Variants in KCTD8 observed in about 807,000 individuals in gnomAD.
KCTD8 encodes the protein BTB/POZ domain-containing protein KCTD8.
KCTD8 carries 27 observed loss-of-function variants against 31.5 expected under a neutral mutation model. That is an observed-to-expected ratio of 0.86 (90% CI 0.63 to 1.18). The LOEUF (loss-of-function observed/expected upper bound fraction) is 1.18, where lower values mean the gene tolerates loss of function less well. KCTD8 is among the 50% of genes most tolerant of loss of function. The pLI is 0.00. For synonymous variants in KCTD8, 290 were observed against 280.0 expected, an observed-to-expected ratio of 1.04 and a Z score of -0.36; for missense variants, 658 against 647.7, an observed-to-expected ratio of 1.02 and a Z score of -0.17.
chr4:44,395,540 T>C (rs1720481116), intron 1 of KCTD8, among the ~76,000 whole-genome samples: 1 of 152,008 alleles, frequency 6.6e-6, no homozygotes, highest in South Asian at 2.1e-4. Context: ...GATGGCACAG[T>C]TCCAAGAAAT....
At chr4:44,431,291 A>G (rs1397477032) in intron 1 of KCTD8, among the ~76,000 whole-genome samples, 2 of 151,154 alleles carry the variant, frequency 1.3e-5, no homozygotes, top group Non-Finnish European at 3.0e-5. Flanking sequence ...TCTCCTATCC[A>G]CCCCTTTTCC....
chr4:44,286,997 T>C (rs1410547745), intron 1 of KCTD8, among the ~76,000 whole-genome samples: 2 of 152,190 alleles, frequency 1.3e-5, no homozygotes, highest in African/African-American at 2.4e-5. Context: ...GTGTTATTAT[T>C]TACTAAGTTA....
At chr4:44,201,289 C>A (rs1460744659) in intron 1 of KCTD8, among the ~76,000 whole-genome samples, 1 of 151,934 alleles carries the variant, frequency 6.6e-6, no homozygotes, top group Non-Finnish European at 1.5e-5. Flanking sequence ...TCATTTTTCA[C>A]AGAATTAGGA....
chr4:44,249,037 A>G (rs901342125), intron 1 of KCTD8, among the ~76,000 whole-genome samples: 1 of 151,860 alleles, frequency 6.6e-6, no homozygotes, highest in African/African-American at 2.4e-5. Context: ...CTATGAAAAT[A>G]TCACCTACTA....
intron 1 of KCTD8, among the ~76,000 whole-genome samples, chr4:44,408,428 A>G (rs1720857013): frequency 6.6e-6 from 1 of 152,188 alleles, no homozygotes; most frequent in Non-Finnish European, 1.5e-5. Flanking sequence ...TCTATACCTG[A>G]GATATCTGCT....
chr4:44,365,635 C>G (rs1251741565), intron 1 of KCTD8, among the ~76,000 whole-genome samples: 3 of 152,126 alleles, frequency 2.0e-5, no homozygotes, highest in Admixed American at 2.0e-4. Flanking sequence ...CCCAGCCTTG[C>G]AACAGTGTGG....
In KCTD8 at chr4:44,382,899, A is replaced by G. The variant is rs1039959727; in HGVS notation, c.961+64664T>C. On this transcript the variant is annotated intron_variant, in intron 1 of 1. Coordinates refer to ENST00000360029, the MANE Select transcript of KCTD8 (RefSeq NM_198353.3). ...CTGTTTGCAGATGACATGATCTCAT[A>G]TGTAGAAAAACCTGAAGACTCTACC... Among the ~76,000 whole-genome samples the G allele has an allele frequency of 8.2e-4, 124 of 151,996 alleles. 2 individuals carry two copies. Among genetic ancestry groups the G allele is most frequent in the Non-Finnish European group, 2.9e-4 (20 of 67,992 alleles).
At chr4:44,348,330 T>G (rs1719087501) in intron 1 of KCTD8, among the ~76,000 whole-genome samples, 1 of 152,162 alleles carries the variant, frequency 6.6e-6, no homozygotes. Context: ...CAATGTAACA[T>G]CGATCTGAAA....
intron 1 of KCTD8, among the ~76,000 whole-genome samples, chr4:44,191,909 C>T (rs1713775124): frequency 6.6e-6 from 1 of 152,124 alleles, no homozygotes; most frequent in Admixed American, 6.5e-5. Flanking sequence ...AGCATGTGAT[C>T]TTTGTGACCT....
At chr4:44,245,089 T>C (rs367755260) in intron 1 of KCTD8, among the ~76,000 whole-genome samples, 1 of 152,258 alleles carries the variant, frequency 6.6e-6, no homozygotes, top group African/African-American at 2.4e-5. Context: ...CTCTAGCAAT[T>C]CTCTAACATG....
intron 1 of KCTD8, among the ~76,000 whole-genome samples, chr4:44,361,893 G>A (rs1011218574): frequency 6.6e-6 from 1 of 151,944 alleles, no homozygotes; most frequent in South Asian, 2.1e-4. Flanking sequence ...GAAAACCAGA[G>A]GTAACTATTA....
At chr4:44,208,786 A>T (rs960869499) in intron 1 of KCTD8, among the ~76,000 whole-genome samples, 2 of 152,184 alleles carry the variant, frequency 1.3e-5, no homozygotes, top group Non-Finnish European at 2.9e-5. Context: ...CAAAGGCTGC[A>T]TCATTACATT....
intron 1 of KCTD8, among the ~76,000 whole-genome samples, chr4:44,245,571 CTA>C (rs1319535250): frequency 1.3e-5 from 2 of 151,630 alleles, no homozygotes; most frequent in Non-Finnish European, 2.9e-5. Context: ...AAAATTTAAG[CTA>C]TAAGTAGAAA....
In KCTD8 at chr4:44,447,906, C is replaced by G. The variant is rs1221413668; in HGVS notation, c.618G>C (p.Ser206=). 1.3e-6 allele frequency: 2 copies of G among 1,508,284 alleles called. No homozygotes were observed. Among genetic ancestry groups the G allele is most frequent in the Admixed American group, 2.1e-5 (1 of 47,408 alleles). 93.4% of individuals were successfully genotyped at this position (1,508,284 alleles called of 1,614,324 possible). ...CCCGGTAGCCCAGCGTGAGGAAGCC[C>G]GAGCGCTTGTCCTGCGCGCCGCCGC... ...GGGGGAQDKR[S]GFLTLGYRGS... The change falls in exon 1 of 2, where the codon TCG becomes TCC. Residue 206 remains serine, a synonymous_variant. Coordinates refer to ENST00000360029, the MANE Select transcript of KCTD8 (RefSeq NM_198353.3).
At chr4:44,338,320 C>A (rs1389057814) in intron 1 of KCTD8, among the ~76,000 whole-genome samples, 24 of 152,066 alleles carry the variant, frequency 1.6e-4, no homozygotes, top group African/African-American at 4.8e-4. Context: ...TTTGTAAAAT[C>A]CATAATCCAG....
intron 1 of KCTD8, among the ~76,000 whole-genome samples, chr4:44,214,516 A>G (rs1402745987): frequency 1.3e-5 from 2 of 152,240 alleles, no homozygotes; most frequent in African/African-American, 4.8e-5. Flanking sequence ...TTTTACCAGT[A>G]TAAGATTAAA....
intron 1 of KCTD8, among the ~76,000 whole-genome samples, chr4:44,230,129 C>T (rs1475297600): frequency 6.6e-6 from 1 of 152,046 alleles, no homozygotes; most frequent in Non-Finnish European, 1.5e-5. Flanking sequence ...TTTGAGGAGG[C>T]AAGAATTGAG....
intron 1 of KCTD8, among the ~76,000 whole-genome samples, chr4:44,386,116 A>G (rs1175328674): frequency 1.3e-5 from 2 of 151,650 alleles, no homozygotes; most frequent in Non-Finnish European, 3.0e-5. Flanking sequence ...AAAATGGCTC[A>G]GTGGCGATGG....
intron 1 of KCTD8, among the ~76,000 whole-genome samples, chr4:44,273,925 T>C (rs1186385084): frequency 6.6e-6 from 1 of 151,884 alleles, no homozygotes; most frequent in Non-Finnish European, 1.5e-5. Context: ...AAAACATAGA[T>C]TGTTATTATC....
Sources: gnomAD v4.1 joint callset for allele counts (sites outside exome capture counted in the v4.1 genomes callset) on GRCh38, gnomAD v4.1.1 for gene constraint, MANE v1.5 for transcripts, NCBI Gene and HGNC (gene_info 2026-07-23, HGNC 2026-07-21) for gene names.